Variants in PTGIS observed in about 807,000 individuals in gnomAD.
The protein encoded by PTGIS is prostaglandin I2 synthase, also known as prostacyclin synthase.
PTGIS carries 45 observed loss-of-function variants against 50.3 expected under a neutral mutation model. That is an observed-to-expected ratio of 0.90 (90% CI 0.70 to 1.15). The LOEUF (loss-of-function observed/expected upper bound fraction) is 1.15, where lower values mean the gene tolerates loss of function less well. Ranked by LOEUF, PTGIS falls within the 50% of genes most tolerant of loss-of-function variation. The probability of loss-of-function intolerance (pLI) is 0.00; values close to 1 mark genes in which losing one functional copy is unlikely to be tolerated. For synonymous variants in PTGIS, 260 were observed against 267.7 expected (o/e 0.97, Z 0.28); for missense variants, 668 against 661.3 (o/e 1.01, Z -0.11).
intron 5 of PTGIS, among the ~76,000 whole-genome samples, chr20:49,536,613 T>C (rs139604002): frequency 8.6e-4 from 131 of 151,800 alleles, no homozygotes; most frequent in African/African-American, 2.7e-3. Context: ...CCCGGGTAGC[T>C]GAGATTACAG....
chr20:49,559,239 T>C (rs1481411528), intron 1 of PTGIS, among the ~76,000 whole-genome samples: 1 of 152,214 alleles, frequency 6.6e-6, no homozygotes, highest in African/African-American at 2.4e-5. Context: ...AACAATCTTT[T>C]GTCCCCAGCC....
chr20:49,519,761 A>G (rs185359111), intron 6 of PTGIS, among the ~76,000 whole-genome samples: 7 of 152,084 alleles, frequency 4.6e-5, no homozygotes, highest in African/African-American at 1.4e-4. Context: ...TCTTCTGCCC[A>G]TGGCTCTGCC....
At chr20:49,527,578 A>G (rs1195978618) in intron 5 of PTGIS, among the ~76,000 whole-genome samples, 1 of 152,154 alleles carries the variant, frequency 6.6e-6, no homozygotes, top group East Asian at 1.9e-4. Context: ...AGAATAGAAG[A>G]TATGTCGGGC....
chr20:49,553,701 T>A (rs1286780809), intron 1 of PTGIS, among the ~76,000 whole-genome samples: 1 of 151,754 alleles, frequency 6.6e-6, no homozygotes, highest in African/African-American at 2.4e-5. Flanking sequence ...TTAAACAACG[T>A]AAAAAGAATA....
chr20:49,560,953 A>G (rs1982757131), intron 1 of PTGIS, among the ~76,000 whole-genome samples: 1 of 152,152 alleles, frequency 6.6e-6, no homozygotes, highest in Non-Finnish European at 1.5e-5. Context: ...AAAGGGTCAT[A>G]CCAGAGAAAG....
chr20:49,562,128 C>G (rs575193855), intron 1 of PTGIS, among the ~76,000 whole-genome samples: 4 of 152,146 alleles, frequency 2.6e-5, no homozygotes, highest in Non-Finnish European at 4.4e-5. Context: ...GTTTCTAATC[C>G]AGACAGGTCT....
rs1264585730 is a variant in PTGIS at position 49,506,992 on chromosome 20, C to A, written c.*928G>T. 1 of 152,234 alleles carries A rather than the reference C, an allele frequency of 6.6e-6. No homozygotes were observed. Among genetic ancestry groups the A allele is most frequent in the East Asian group, 1.9e-4 (1 of 5,200 alleles). 9.4% of individuals were successfully genotyped at this position (152,234 alleles called of 1,614,324 possible). On this transcript the variant is annotated 3_prime_UTR_variant, in exon 10 of 10. Coordinates refer to ENST00000244043, the MANE Select transcript of PTGIS (RefSeq NM_000961.4). ...AGAGAAGCTGGACATTTTGAATGAA[C>A]TCTCCCAAAGATGATAACAACTAAG... is the stretch of plus-strand genomic sequence containing the variant.
At chr20:49,511,850 AGATG>A (rs1282012488) in intron 8 of PTGIS, among the ~76,000 whole-genome samples, 3 of 152,034 alleles carry the variant, frequency 2.0e-5, no homozygotes, top group Non-Finnish European at 4.4e-5. Context: ...AGGGATGGAT[AGATG>A]GATGGATGGG....
In PTGIS at chr20:49,524,256, C is replaced by G; in HGVS notation, c.674-17G>C. On this transcript the variant is annotated splice_polypyrimidine_tract_variant and intron_variant, in intron 5 of 9. Coordinates refer to ENST00000244043, the MANE Select transcript of PTGIS (RefSeq NM_000961.4). Reference sequence around the variant, plus strand: ...CCTTGTCCCCTGCAGGGACAGAGCACAGAGAGTAGGGGTTACAGATTCACC... The same window carrying G: ...CCTTGTCCCCTGCAGGGACAGAGCAGAGAGAGTAGGGGTTACAGATTCACC... 6.2e-7 allele frequency: 1 copy of G among 1,613,408 alleles called. No individual in the cohort carries two copies. Among genetic ancestry groups the G allele is most frequent in the Non-Finnish European group, 8.5e-7 (1 of 1,179,818 alleles).
At chr20:49,552,483 C>T (rs544204874) in intron 1 of PTGIS, among the ~76,000 whole-genome samples, 3 of 152,136 alleles carry the variant, frequency 2.0e-5, no homozygotes, top group Non-Finnish European at 2.9e-5. Flanking sequence ...TTTAATCTCC[C>T]TCTAACACAC....
At chr20:49,539,166 T>C (rs1047841564) in intron 5 of PTGIS, among the ~76,000 whole-genome samples, 2 of 152,138 alleles carry the variant, frequency 1.3e-5, no homozygotes, top group Non-Finnish European at 2.9e-5. Flanking sequence ...TAGAGGGAAG[T>C]GGTGGGCTGA....
chr20:49,529,942 G>A (rs1044840687), intron 5 of PTGIS, among the ~76,000 whole-genome samples: 5 of 152,116 alleles, frequency 3.3e-5, no homozygotes, highest in East Asian at 3.9e-4. Context: ...ATCACCTGAG[G>A]TCGGGAGTTC....
intron 2 of PTGIS, 50 bp downstream of exon 2, chr20:49,550,016 G>A: frequency 1.2e-6 from 2 of 1,613,784 alleles, no homozygotes; most frequent in Non-Finnish European, 1.7e-6. Context: ...AACCAGATAT[G>A]AGGCCCAGCT....
intron 1 of PTGIS, among the ~76,000 whole-genome samples, chr20:49,562,660 G>C (rs560503271): frequency 1.3e-5 from 2 of 152,168 alleles, no homozygotes; most frequent in Admixed American, 1.3e-4. Context: ...CCACACAGCC[G>C]GTTTCCTGCC....
At chr20:49,548,253 T>C (rs1184535680) in intron 2 of PTGIS, among the ~76,000 whole-genome samples, 1 of 152,186 alleles carries the variant, frequency 6.6e-6, no homozygotes, top group Non-Finnish European at 1.5e-5. Flanking sequence ...CAAGATCTCA[T>C]AGCTGAGAAG....
intron 9 of PTGIS, among the ~76,000 whole-genome samples, chr20:49,510,126 T>C (rs1203884344): frequency 1.3e-5 from 2 of 151,950 alleles, no homozygotes; most frequent in African/African-American, 4.8e-5. Flanking sequence ...TGGCCTCAAA[T>C]GATCTGCCCA....
Position 49,511,247 on chromosome 20 carries a change from G to A in PTGIS, c.1207-68C>T, listed in dbSNP as rs1020653227. The A allele has an allele frequency of 3.8e-6, 6 of 1,578,648 alleles. No homozygotes were observed. The African/African-American group carries it at 6.7e-5, about 18-fold the overall frequency. ...CAAGCTCACACCAAGAAAAATGTAT[G>A]AGGATGTTCATGACAGTCATGTTTA... On this transcript the variant is annotated intron_variant, in intron 8 of 9. Transcript: ENST00000244043.
chr20:49,552,156 C>CTT (rs137967315), intron 1 of PTGIS, among the ~76,000 whole-genome samples: 1 of 148,944 alleles, frequency 6.7e-6, no homozygotes, highest in African/African-American at 2.4e-5. Flanking sequence ...TATCTGATTT[C>CTT]TTTTTTTTTT....
At chr20:49,535,646 G>A (rs1601191601) in intron 5 of PTGIS, among the ~76,000 whole-genome samples, 1 of 152,116 alleles carries the variant, frequency 6.6e-6, no homozygotes, top group Admixed American at 6.6e-5. Flanking sequence ...TCCCAAGTAG[G>A]TGGGATTACA....
Sources: allele counts gnomAD v4.1 joint callset (sites outside exome capture counted in the v4.1 genomes callset), GRCh38; gene constraint gnomAD v4.1.1; transcripts MANE v1.5; gene names NCBI Gene and HGNC (gene_info 2026-07-23, HGNC 2026-07-21).